CR2: variants seen among roughly 807,000 people sequenced by gnomAD.
The protein encoded by CR2 is complement C3d receptor 2.
In CR2, 96 loss-of-function variants were observed where a neutral mutation model predicts 123.0. That is an observed-to-expected ratio of 0.78 (90% CI 0.66 to 0.93). The LOEUF (loss-of-function observed/expected upper bound fraction) is 0.93. CR2 is among the 40% of genes least tolerant of loss of function. The pLI is 0.00. For synonymous variants in CR2, 484 were observed against 469.5 expected, an observed-to-expected ratio of 1.03 and a Z score of -0.40; for missense variants, 1,258 against 1,361.0, an observed-to-expected ratio of 0.92 and a Z score of 1.19.
At chr1:207,458,860 G>C (rs1240713242) in intron 1 of CR2, among the ~76,000 whole-genome samples, 1 of 152,074 alleles carries the variant, frequency 6.6e-6, no homozygotes, top group South Asian at 2.1e-4. Flanking sequence ...ATGAGGGTGG[G>C]AACCTTGTCT....
intron 1 of CR2, among the ~76,000 whole-genome samples, chr1:207,457,264 A>G (rs993370772): frequency 6.6e-6 from 1 of 152,236 alleles, no homozygotes; most frequent in African/African-American, 2.4e-5. Flanking sequence ...CTCCTATAAC[A>G]ATGAAAGAAG....
chr1:207,481,519 G>C (rs565586939), intron 18 of CR2, among the ~76,000 whole-genome samples: 8 of 151,796 alleles, frequency 5.3e-5, no homozygotes, highest in Non-Finnish European at 1.2e-4. Context: ...TTTGCAGATA[G>C]GCTATAGAAT....
intron 6 of CR2, among the ~76,000 whole-genome samples, 167 bp downstream of exon 6, chr1:207,470,269 A>G (rs1658231152): frequency 6.6e-6 from 1 of 152,144 alleles, no homozygotes; most frequent in Non-Finnish European, 1.5e-5. Context: ...CTAGCCCCCC[A>G]CCATTGTTTT....
intron 19 of CR2, among the ~76,000 whole-genome samples, chr1:207,488,867 G>C (rs889717515): frequency 1.3e-5 from 2 of 152,110 alleles, no homozygotes; most frequent in African/African-American, 4.8e-5. Context: ...ATAAATATTT[G>C]TTGAATGAGT....
chr1:207,477,018 A>G (rs1658459929), intron 15 of CR2, among the ~76,000 whole-genome samples: 1 of 152,234 alleles, frequency 6.6e-6, no homozygotes, highest in African/African-American at 2.4e-5. Context: ...ATGAGGTTTC[A>G]GTAGCATGGA....
At position 207,466,539 on chromosome 1, in the gene CR2, C is replaced by T; in HGVS notation, c.72C>T (p.Gly24=). Residue 24 remains glycine, a synonymous_variant, in exon 2 of 20, where the codon GGC becomes GGT. Transcript: ENST00000367057. The part of the protein sequence containing the change: ...VAPGVLGISC[G]SPPPILNGRI... ...TCTACTTTTCAGGGATTTCTTGTGG[C>T]TCTCCTCCGCCTATCCTAAATGGCC... is the stretch of plus-strand genomic sequence containing the variant. 3 of 1,614,048 alleles carry T rather than the reference C, an allele frequency of 1.9e-6. No individual in the cohort carries two copies. The highest frequency in any genetic ancestry group is 1.1e-5 in the South Asian group (1 of 91,078).
intron 18 of CR2, among the ~76,000 whole-genome samples, chr1:207,482,200 C>T (rs1352338357): frequency 2.6e-5 from 4 of 151,846 alleles, no homozygotes; most frequent in Non-Finnish European, 5.9e-5. Context: ...ATCTTGTTTC[C>T]CTTCTTTAAG....
At chr1:207,485,068 C>T (rs889996754) in intron 18 of CR2, among the ~76,000 whole-genome samples, 3 of 152,034 alleles carry the variant, frequency 2.0e-5, no homozygotes, top group Non-Finnish European at 2.9e-5. Flanking sequence ...AGGATAAAAA[C>T]AATAAAAATG....
At chr1:207,480,213 G>A (rs994855533) in intron 18 of CR2, among the ~76,000 whole-genome samples, 160 bp downstream of exon 18, 1 of 152,076 alleles carries the variant, frequency 6.6e-6, no homozygotes, top group African/African-American at 2.4e-5. Context: ...CCTTTCTGTA[G>A]GACTTAAGAG....
At chr1:207,470,226 T>C in intron 6 of CR2, 124 bp downstream of exon 6, 1 of 1,066,446 alleles carries the variant, frequency 9.4e-7, no homozygotes, top group South Asian at 1.5e-5. Context: ...CTACATCTAA[T>C]CAATATAAAT....
intron 17 of CR2, 136 bp downstream of exon 17, chr1:207,479,416 T>C: frequency 1.5e-6 from 1 of 667,116 alleles, no homozygotes; most frequent in South Asian, 1.8e-5. Context: ...TTAAAGATAC[T>C]TCAATGTACA....
At chr1:207,458,277 AT>A (rs35162505) in intron 1 of CR2, among the ~76,000 whole-genome samples, 97,982 of 146,168 alleles carry the variant, frequency 0.67, 32,826 homozygotes, top group East Asian at 0.88. Context: ...GCCAAGCTTC[AT>A]TTTTTTTTTT....
rs1412182018 is a variant in CR2 at position 207,468,902 on chromosome 1, G to A, written c.734+3G>A. Reference sequence around the variant, plus strand: ...GCAAACTTTTTCTGTGATGAAGGGTGAGTGTCAGGATTATTTATGAGATTT... The same window carrying A: ...GCAAACTTTTTCTGTGATGAAGGGTAAGTGTCAGGATTATTTATGAGATTT... On this transcript the variant is annotated splice_donor_region_variant and intron_variant, in intron 4 of 19. Transcript: ENST00000367057. The A allele has an allele frequency of 1.2e-6, 2 of 1,613,080 alleles. No individual in the cohort carries two copies. The highest frequency in any genetic ancestry group is 8.5e-7 in the Non-Finnish European group (1 of 1,179,212).
At chr1:207,470,198 A>G in intron 6 of CR2, 96 bp downstream of exon 6, 1 of 1,387,296 alleles carries the variant, frequency 7.2e-7, no homozygotes, top group Non-Finnish European at 1.0e-6. Context: ...TGTCCAGTTT[A>G]TACTTCCCTC....
At chr1:207,464,062 A>G (rs1558188114) in intron 1 of CR2, among the ~76,000 whole-genome samples, 1 of 152,204 alleles carries the variant, frequency 6.6e-6, no homozygotes, top group Non-Finnish European at 1.5e-5. Context: ...AAATGCTTAC[A>G]TCTAAAACAT....
chr1:207,470,919 G>T lies in CR2; in HGVS notation c.1402+3G>T, dbSNP rs1157826732. On this transcript the variant is annotated splice_donor_region_variant and intron_variant, in intron 7 of 19. Transcript: ENST00000367057. ...ACCCCCTGTACCCCAATGCAAAGGT[G>T]CCAGGCCTCAAATGTAGACATTTTG... The T allele has an allele frequency of 1.1e-5, 17 of 1,613,828 alleles. No homozygotes were observed. The highest frequency in any genetic ancestry group is 1.4e-5 in the Non-Finnish European group (17 of 1,179,814).
In CR2 at chr1:207,473,621, T is replaced by C; in HGVS notation, c.2055T>C (p.Thr685=). Residue 685 remains threonine, a synonymous_variant, in exon 11 of 20, where the codon ACT becomes ACC. Coordinates refer to ENST00000367057, the MANE Select transcript of CR2 (RefSeq NM_001006658.3). ...CGGTCTTCTTTGTCTCTGGGATGAC[T>C]GTAGACTACACTTGTGACCCTGGCT... ...GNTVFFVSGM[T]VDYTCDPGYL... The C allele has an allele frequency of 3.7e-6, 6 of 1,614,024 alleles. No homozygotes were observed. Among genetic ancestry groups the C allele is most frequent in the Non-Finnish European group, 5.1e-6 (6 of 1,179,904 alleles).
chr1:207,459,548 C>T (rs917026028), intron 1 of CR2, among the ~76,000 whole-genome samples: 3 of 151,972 alleles, frequency 2.0e-5, no homozygotes, highest in Non-Finnish European at 4.4e-5. Context: ...AATGGATTTC[C>T]AAGCCATTCC....
chr1:207,478,166 G>T (rs1214232694), intron 16 of CR2, 96 bp downstream of exon 16: 2 of 1,304,962 alleles, frequency 1.5e-6, no homozygotes. Context: ...GTTTTAAATT[G>T]ACATAGGTTT....
Sources: gnomAD v4.1 joint callset for allele counts (sites outside exome capture counted in the v4.1 genomes callset) on GRCh38, gnomAD v4.1.1 for gene constraint, MANE v1.5 for transcripts, NCBI Gene and HGNC (gene_info 2026-07-23, HGNC 2026-07-21) for gene names.